LRRC75B: variants seen among roughly 807,000 people sequenced by gnomAD.
LRRC75B encodes the protein leucine-rich repeat-containing protein 75B.
A neutral mutation model predicts 16.5 loss-of-function variants in LRRC75B; 20 were observed. The observed-to-expected ratio is 1.21, with a 90% CI of 0.85 to 1.76. The LOEUF (loss-of-function observed/expected upper bound fraction) is 1.76, where lower values mean the gene tolerates loss of function less well. Among genes scored for constraint, LRRC75B ranks in the 40% most tolerant of loss-of-function variants. The pLI, the probability that LRRC75B is intolerant of heterozygous loss-of-function variation, is 0.00. For synonymous variants in LRRC75B, 199 were observed against 198.1 expected, an observed-to-expected ratio of 1.00 and a Z score of -0.04; for missense variants, 406 against 417.0, an observed-to-expected ratio of 0.97 and a Z score of 0.23.
intron 1 of LRRC75B, among the ~76,000 whole-genome samples, chr22:24,590,407 C>T (rs1384507500): frequency 6.6e-6 from 1 of 152,234 alleles, no homozygotes; most frequent in Non-Finnish European, 1.5e-5. Context: ...GTGTGAGCCA[C>T]TCAGCCTTGG....
chr22:24,591,507 G>T (rs2045566904), intron 1 of LRRC75B, among the ~76,000 whole-genome samples: 1 of 152,228 alleles, frequency 6.6e-6, no homozygotes, highest in Non-Finnish European at 1.5e-5. Context: ...CCAAGCACAG[G>T]AAGTTGGGCC....
Position 24,585,995 on chromosome 22 carries a change from A to G in LRRC75B, c.839T>C (p.Leu280Pro). 6.2e-7 allele frequency: 1 copy of G among 1,610,708 alleles called. No homozygotes were observed. The highest frequency in any genetic ancestry group is 1.7e-5 in the Admixed American group (1 of 60,012). The change falls in exon 4 of 4, where the codon CTG (leucine) becomes CCG (proline). Residue 280 changes from leucine (L) to proline (P), a missense_variant. By Grantham distance (98) the Leu-to-Pro change is moderately conservative. Coordinates refer to ENST00000318753, the MANE Select transcript of LRRC75B (RefSeq NM_207644.3). ...CGCACTGCCCTCAGGCTCAAGGTCC[A>G]GGCCCTCGTAGATGGTGGGGAGTGA... ...RTSLPTIYEG[L>P]DLEPEGSAAG...
chr22:24,588,073 G>A (rs2045451789), intron 3 of LRRC75B, 141 bp downstream of exon 3: 1 of 673,272 alleles, frequency 1.5e-6, no homozygotes, highest in African/African-American at 1.8e-5. Context: ...CTGACTTCCA[G>A]GGTAGGGCCC....
At chr22:24,590,306 A>AG (rs201569152) in intron 1 of LRRC75B, among the ~76,000 whole-genome samples, 1,536 of 152,144 alleles carry the variant, frequency 0.01, 26 homozygotes, top group African/African-American at 0.035. Context: ...TAAAAAAAAA[A>AG]TGTTTTGTAG....
intron 1 of LRRC75B, 154 bp downstream of exon 1, chr22:24,592,709 G>A (rs1257581185): frequency 4.3e-5 from 54 of 1,267,476 alleles, no homozygotes; most frequent in African/African-American, 6.3e-5. Context: ...AGCCTGTCGC[G>A]CCCTCGGAAC....
Position 24,585,705 on chromosome 22 carries a change from G to C in LRRC75B, c.*181C>G. The C allele has an allele frequency of 1.4e-6, 1 of 697,050 alleles. No individual in the cohort carries two copies. The allele number at this position is 697,050 out of a possible 1,614,324, so 43.2% of individuals were successfully genotyped here. Reference sequence around the variant, plus strand: ...GCCCCTCCCACTGAGGGAAGGCTGAGCCTCTAGCCAGGGCTGGCCACCTGG... The same window carrying C: ...GCCCCTCCCACTGAGGGAAGGCTGACCCTCTAGCCAGGGCTGGCCACCTGG... On this transcript the variant is annotated 3_prime_UTR_variant, in exon 4 of 4. Coordinates refer to ENST00000318753, the MANE Select transcript of LRRC75B (RefSeq NM_207644.3).
At chr22:24,589,175 C>G (rs2147160665) in intron 2 of LRRC75B, 1 of 1,172,990 alleles carries the variant, frequency 8.5e-7, no homozygotes, top group Non-Finnish European at 1.1e-6. Flanking sequence ...GAGTCTGGGT[C>G]CGGTGGCTGG....
At position 24,588,276 on chromosome 22, in the gene LRRC75B, G is replaced by A. The variant is rs757747843; in HGVS notation, c.360C>T (p.His120=). ...GCTGCTGCTTCGAGTGAGGGGTGAGGTGGTAGATGAGCTGTCGGCAGATCT... is the reference window on the plus strand; with the variant it reads ...GCTGCTGCTTCGAGTGAGGGGTGAGATGGTAGATGAGCTGTCGGCAGATCT... ...SDKICRQLIY[H]LTPHSKQQQG... The change falls in exon 3 of 4, where the codon CAC becomes CAT. Residue 120 remains histidine, a synonymous_variant. Transcript: ENST00000318753. 1 of 1,613,692 alleles carries A rather than the reference G, an allele frequency of 6.2e-7. No homozygotes were observed. The highest frequency in any genetic ancestry group is 8.5e-7 in the Non-Finnish European group (1 of 1,179,928).
rs1290311855 is a variant in LRRC75B at position 24,585,817 on chromosome 22, C to T, written c.*69G>A. On this transcript the variant is annotated 3_prime_UTR_variant, in exon 4 of 4. Coordinates refer to ENST00000318753, the MANE Select transcript of LRRC75B (RefSeq NM_207644.3). Reference sequence around the variant, plus strand: ...TGGGGGCCTGTGAGTCCTCCTTGACCTTCATCGCCCACTATCATGTGCTTG... The same window carrying T: ...TGGGGGCCTGTGAGTCCTCCTTGACTTTCATCGCCCACTATCATGTGCTTG... 7.1e-7 allele frequency: 1 copy of T among 1,416,676 alleles called. No individual in the cohort carries two copies. The highest frequency in any genetic ancestry group is 9.4e-7 in the Non-Finnish European group (1 of 1,067,966). 87.8% of individuals were successfully genotyped at this position (1,416,676 alleles called of 1,614,324 possible). A position where few individuals can be genotyped will look rare whatever the true frequency, so the allele number is the denominator to read the frequency against.
At chr22:24,592,339 G>C (rs1200249386) in intron 1 of LRRC75B, 3 of 470,650 alleles carry the variant, frequency 6.4e-6, no homozygotes, top group Non-Finnish European at 1.3e-5. Flanking sequence ...ATGGCTCTCT[G>C]TGGGCTGCCA....
chr22:24,588,556 C>A, intron 2 of LRRC75B: 1 of 792,630 alleles, frequency 1.3e-6, no homozygotes, highest in South Asian at 2.0e-5. Flanking sequence ...GGTCCAGTCC[C>A]GCAGTGCCCG....
chr22:24,591,669 C>T (rs2147171987), intron 1 of LRRC75B, among the ~76,000 whole-genome samples: 1 of 152,340 alleles, frequency 6.6e-6, no homozygotes, highest in East Asian at 1.9e-4. Context: ...CTAAAATGCC[C>T]AACTGGTGTC....
Position 24,585,736 on chromosome 22 carries a change from T to C in LRRC75B, c.*150A>G. Reference sequence around the variant, plus strand: ...AGCCAGGGCTGGCCACCTGGCCACCTATGAGTCCATTCTTCTGTCCCCTTA... The same window carrying C: ...AGCCAGGGCTGGCCACCTGGCCACCCATGAGTCCATTCTTCTGTCCCCTTA... On this transcript the variant is annotated 3_prime_UTR_variant, in exon 4 of 4. Coordinates refer to ENST00000318753, the MANE Select transcript of LRRC75B (RefSeq NM_207644.3). The C allele has an allele frequency of 1.1e-6, 1 of 943,168 alleles. No homozygotes were observed. Among genetic ancestry groups the C allele is most frequent in the East Asian group, 2.7e-5 (1 of 37,716 alleles). The allele number at this position is 943,168 out of a possible 1,614,324, so 58.4% of individuals were successfully genotyped here.
intron 3 of LRRC75B, among the ~76,000 whole-genome samples, chr22:24,586,655 C>G (rs1426407147): frequency 1.3e-5 from 2 of 152,258 alleles, no homozygotes; most frequent in Non-Finnish European, 2.9e-5. Context: ...CTTCAGCCTC[C>G]CAAGTAGCTG....
Position 24,586,193 on chromosome 22 carries a change from AGG to A in LRRC75B, c.639_640del (p.Leu214AlafsTer16). On this transcript the variant is annotated frameshift_variant, in exon 4 of 4. Coordinates refer to ENST00000318753, the MANE Select transcript of LRRC75B (RefSeq NM_207644.3). LOFTEE classifies it low-confidence loss of function (END_TRUNC). ...CCGCGTCAGTCGGTTGCCGTTGAGC[AGG>A]AGCTGGGTGAGGCGGGGCAGCGCCC... is the stretch of plus-strand genomic sequence containing the variant. 4.3e-6 allele frequency: 7 copies of A among 1,613,860 alleles called. No individual in the cohort carries two copies. Among genetic ancestry groups the A allele is most frequent in the Non-Finnish European group, 5.9e-6 (7 of 1,180,016 alleles).
chr22:24,592,073 T>C (rs1192402869), intron 1 of LRRC75B: 1 of 346,622 alleles, frequency 2.9e-6, no homozygotes, highest in African/African-American at 2.2e-5. Context: ...CATGGCTGAC[T>C]TCCTGCTCAC....
At chr22:24,592,568 C>A in intron 1 of LRRC75B, 1 of 462,456 alleles carries the variant, frequency 2.2e-6, no homozygotes, top group South Asian at 1.9e-5. Context: ...ACCCTCAACA[C>A]ACACAACCCC....
At chr22:24,591,985 G>A (rs1025413213) in intron 1 of LRRC75B, among the ~76,000 whole-genome samples, 1 of 152,236 alleles carries the variant, frequency 6.6e-6, no homozygotes, top group African/African-American at 2.4e-5. Flanking sequence ...CATTTTCTCT[G>A]TGGGCCCTGG....
chr22:24,586,418 G>C lies in LRRC75B; in HGVS notation c.423-7C>G. Reference sequence around the variant, plus strand: ...CTGGAGGCTGCTCTTGAGGCTATGGGAGAGTGGCAGGTGGGGATGGACTAG... The same window carrying C: ...CTGGAGGCTGCTCTTGAGGCTATGGCAGAGTGGCAGGTGGGGATGGACTAG... On this transcript the variant is annotated splice_polypyrimidine_tract_variant and splice_region_variant and intron_variant, in intron 3 of 3. Coordinates refer to ENST00000318753, the MANE Select transcript of LRRC75B (RefSeq NM_207644.3). The C allele has an allele frequency of 6.2e-7, 1 of 1,603,930 alleles. No homozygotes were observed. Among genetic ancestry groups the C allele is most frequent in the Non-Finnish European group, 8.5e-7 (1 of 1,173,840 alleles).
Sources: allele counts gnomAD v4.1 joint callset (sites outside exome capture counted in the v4.1 genomes callset), GRCh38; gene constraint gnomAD v4.1.1; transcripts MANE v1.5; gene names NCBI Gene and HGNC (gene_info 2026-07-23, HGNC 2026-07-21).